PIK3CA: variants seen among roughly 807,000 people sequenced by gnomAD.
The protein encoded by PIK3CA is phosphatidylinositol-4,5-bisphosphate 3-kinase catalytic subunit alpha.
In PIK3CA, 27 loss-of-function variants were observed where a neutral mutation model predicts 138.2. That is an observed-to-expected ratio of 0.20 (90% CI 0.14 to 0.27). PIK3CA has a LOEUF of 0.27. PIK3CA is among the 10% of genes least tolerant of loss of function. The pLI is 1.00. For missense variants in PIK3CA, 544 were observed against 1,277.4 expected, an observed-to-expected ratio of 0.43 and a Z score of 8.75; for synonymous variants, 358 against 413.2, an observed-to-expected ratio of 0.87 and a Z score of 1.62.
chr3:179,168,919 T>C (rs1723484064), intron 1 of PIK3CA, among the ~76,000 whole-genome samples: 1 of 152,164 alleles, frequency 6.6e-6, no homozygotes, highest in Non-Finnish European at 1.5e-5. Flanking sequence ...GGGTTTTTTT[T>C]CCTTTTGTCT....
chr3:179,201,603 A>G (rs1010139963), intron 4 of PIK3CA, 63 bp downstream of exon 4: 7 of 965,144 alleles, frequency 7.3e-6, no homozygotes, highest in Non-Finnish European at 1.0e-5. Context: ...GAGGATGAGT[A>G]TCTGTATTTT....
At chr3:179,233,676 T>A (rs1725263776) in intron 20 of PIK3CA, among the ~76,000 whole-genome samples, 1 of 152,202 alleles carries the variant, frequency 6.6e-6, no homozygotes, top group Non-Finnish European at 1.5e-5. Flanking sequence ...TGTTTATTCA[T>A]AACTTTTTTA....
intron 1 of PIK3CA, among the ~76,000 whole-genome samples, chr3:179,165,712 T>G (rs1004350145): frequency 6.6e-6 from 1 of 152,204 alleles, no homozygotes; most frequent in African/African-American, 2.4e-5. Context: ...TGTGCTCATT[T>G]TCTACATTTT....
At position 179,173,672 on chromosome 3, in the gene PIK3CA, C is replaced by T. The variant is rs1309537716; in HGVS notation, c.-77+25069C>T. Among the ~76,000 whole-genome samples the T allele has an allele frequency of 5.9e-5, 9 of 152,198 alleles. No homozygotes were observed. The South Asian group carries it at 6.2e-4, about 11-fold the overall frequency. On this transcript the variant is annotated intron_variant, in intron 1 of 20. Transcript: ENST00000263967. The stretch of plus-strand genomic sequence containing the variant: ...CAGTTCTTACCCCAGTAATTACCTA[C>T]GTGGTGTATTGACAACAAAGGAAGA...
intron 20 of PIK3CA, chr3:179,233,375 A>C (rs1279975043): frequency 2.5e-6 from 1 of 397,542 alleles, no homozygotes; most frequent in Non-Finnish European, 4.4e-6. Context: ...TTTTGAGGTA[A>C]GTCCCTTCTA....
At chr3:179,155,605 T>C (rs1292182946) in intron 1 of PIK3CA, among the ~76,000 whole-genome samples, 1 of 152,190 alleles carries the variant, frequency 6.6e-6, no homozygotes, top group Non-Finnish European at 1.5e-5. Flanking sequence ...GTATTAAGTA[T>C]TAAAAGTAAT....
At chr3:179,165,600 G>C (rs904077891) in intron 1 of PIK3CA, among the ~76,000 whole-genome samples, 2 of 152,074 alleles carry the variant, frequency 1.3e-5, no homozygotes. Flanking sequence ...TGATCCTTAC[G>C]CATATGATCC....
chr3:179,197,092 G>A (rs1724285427), intron 1 of PIK3CA, among the ~76,000 whole-genome samples: 1 of 151,902 alleles, frequency 6.6e-6, no homozygotes, highest in African/African-American at 2.4e-5. Flanking sequence ...AGACTGGAGT[G>A]CAGTGGAGCG....
rs1408351290 is a variant in PIK3CA at position 179,199,814 on chromosome 3, T to G, written c.477T>G (p.Pro159=). The stretch of plus-strand genomic sequence containing the variant: ...TGGATCTTAGGGACCTCAATTCACC[T>G]CATAGTAGAGCAATGTATGTCTATC... ...EAVDLRDLNS[P]HSRAMYVYPP... is the part of the protein sequence containing the mutation. The change falls in exon 3 of 21, where the codon CCT becomes CCG. Residue 159 remains proline (P), a synonymous_variant. Transcript: ENST00000263967. 1 of 1,612,544 alleles carries G rather than the reference T, an allele frequency of 6.2e-7. No individual in the cohort carries two copies. The highest frequency in any genetic ancestry group is 1.3e-5 in the African/African-American group (1 of 74,894).
chr3:179,217,664 T>C (rs1724867960), intron 9 of PIK3CA, among the ~76,000 whole-genome samples: 1 of 152,050 alleles, frequency 6.6e-6, no homozygotes, highest in African/African-American at 2.4e-5. Flanking sequence ...AAAAAAATAT[T>C]ATTTTTCGTT....
intron 1 of PIK3CA, among the ~76,000 whole-genome samples, chr3:179,193,652 T>A (rs910469275): frequency 6.6e-6 from 1 of 152,236 alleles, no homozygotes. Flanking sequence ...GCACACACAC[T>A]CTTCTAAGCA....
intron 1 of PIK3CA, among the ~76,000 whole-genome samples, chr3:179,171,379 C>T (rs183856293): frequency 1.2e-3 from 184 of 152,074 alleles, no homozygotes; most frequent in African/African-American, 4.0e-3. Context: ...AAGCTACTAC[C>T]TTAAGAAGCT....
intron 1 of PIK3CA, among the ~76,000 whole-genome samples, chr3:179,187,746 T>C (rs1724027971): frequency 6.6e-6 from 1 of 151,376 alleles, no homozygotes; most frequent in Admixed American, 6.6e-5. Context: ...CAAGCTATTC[T>C]CCTGCCTCAG....
In PIK3CA at chr3:179,172,262, G is replaced by GA. The variant is rs564300368; in HGVS notation, c.-77+23669dup. Reference sequence around the variant, plus strand: ...CCTCAACCTGATAAAGAATGTCTGTGAAAAAAAAAATCATACTTCATGGTG... The same window carrying GA: ...CCTCAACCTGATAAAGAATGTCTGTGAAAAAAAAAAATCATACTTCATGGTG... On this transcript the variant is annotated intron_variant, in intron 1 of 20. Transcript: ENST00000263967. Among the ~76,000 whole-genome samples, 185 of 149,326 alleles carry GA rather than the reference G, an allele frequency of 1.2e-3. No homozygotes were observed. The South Asian group carries it at 0.013, about 10-fold the overall frequency.
chr3:179,182,982 G>T (rs1723886391), intron 1 of PIK3CA, among the ~76,000 whole-genome samples: 1 of 152,138 alleles, frequency 6.6e-6, no homozygotes, highest in African/African-American at 2.4e-5. Context: ...TTCATTCATA[G>T]AACTTGTCTT....
chr3:179,217,387 G>A (rs1236027365), intron 9 of PIK3CA, among the ~76,000 whole-genome samples: 1 of 152,024 alleles, frequency 6.6e-6, no homozygotes, highest in Admixed American at 6.6e-5. Flanking sequence ...ACAAAACAAG[G>A]TACATAGTAC....
chr3:179,184,365 A>G (rs1723921723), intron 1 of PIK3CA, among the ~76,000 whole-genome samples: 1 of 152,178 alleles, frequency 6.6e-6, no homozygotes, highest in Non-Finnish European at 1.5e-5. Context: ...GCCTGGGAGT[A>G]TGTAATCATA....
intron 20 of PIK3CA, among the ~76,000 whole-genome samples, chr3:179,232,571 G>T (rs1215039953): frequency 6.6e-6 from 1 of 151,980 alleles, no homozygotes; most frequent in Admixed American, 6.6e-5. Flanking sequence ...GCTTAGTCTT[G>T]CTTTGGCTAT....
At position 179,199,765 on chromosome 3, in the gene PIK3CA, T is replaced by C. The variant is rs1223709697; in HGVS notation, c.428T>C (p.Ile143Thr). The change falls in exon 3 of 21, where the codon ATT becomes ACT. Residue 143 changes from isoleucine (I) to threonine (T), a missense_variant. By Grantham distance (89) the Ile-to-Thr change is moderately conservative. Around this residue, in one of 14 missense-constraint regions of PIK3CA, gnomAD observed 234 missense variants for 401.3 expected, o/e 0.58. Coordinates refer to ENST00000263967, the MANE Select transcript of PIK3CA (RefSeq NM_006218.4). Reference protein sequence around the residue: ...DPEVQDFRRNILNVCKEAVDL... With the variant: ...DPEVQDFRRNTLNVCKEAVDL... The stretch of plus-strand genomic sequence containing the variant: ...GAAGTACAGGACTTCCGAAGAAATA[T>C]TCTGAACGTTTGTAAAGAAGCTGTG... 6.2e-7 allele frequency: 1 copy of C among 1,613,282 alleles called. No individual in the cohort carries two copies. Among genetic ancestry groups the C allele is most frequent in the Non-Finnish European group, 8.5e-7 (1 of 1,179,460 alleles).
Sources: gnomAD v4.1 joint callset for allele counts (sites outside exome capture counted in the v4.1 genomes callset) on GRCh38, gnomAD v4.1.1 for gene constraint, gnomAD v4.1.1 regional missense constraint, MANE v1.5 for transcripts, NCBI Gene and HGNC (gene_info 2026-07-23, HGNC 2026-07-21) for gene names.